ZFAND6: variants seen among roughly 807,000 people sequenced by gnomAD.
The protein encoded by ZFAND6 is AN1-type zinc finger protein 6.
ZFAND6 carries 12 observed loss-of-function variants against 24.5 expected under a neutral mutation model. The observed-to-expected ratio is 0.49, with a 90% CI of 0.31 to 0.79. The LOEUF is 0.79. Among genes scored for constraint, ZFAND6 ranks in the 30% least tolerant of loss-of-function variants. The pLI, the probability that ZFAND6 is intolerant of heterozygous loss-of-function variation, is 0.04. For missense variants in ZFAND6, 207 were observed against 245.9 expected (o/e 0.84, Z 1.06); for synonymous variants, 92 against 81.5 (o/e 1.13, Z -0.69).
chr15:80,059,979 G>A (rs573032666), intron 1 of ZFAND6, among the ~76,000 whole-genome samples, 170 bp downstream of exon 1: 1 of 151,190 alleles, frequency 6.6e-6, no homozygotes, highest in South Asian at 2.1e-4. Context: ...GGGCCCGCGG[G>A]GGCCGCGGGC....
intron 1 of ZFAND6, among the ~76,000 whole-genome samples, chr15:80,097,753 CAA>C (rs765926356): frequency 1.3e-5 from 2 of 151,980 alleles, no homozygotes; most frequent in African/African-American, 4.8e-5. Flanking sequence ...GATGGAGAAA[CAA>C]AGATTTTTAT....
rs947950449 is a variant in ZFAND6 at position 80,089,135 on chromosome 15, A to G, written c.-180-9281A>G. Among the ~76,000 whole-genome samples the G allele has an allele frequency of 1.4e-4, 21 of 148,440 alleles. 1 individual carries two copies. The highest frequency in any genetic ancestry group is 6.7e-4 in the Admixed American group (10 of 14,920). On this transcript the variant is annotated intron_variant, in intron 1 of 6. Coordinates refer to ENST00000261749, the MANE Select transcript of ZFAND6 (RefSeq NM_019006.4). ...CTGAAAGACCTACTCATAATTGACA[A>G]CTCCTTCTGTTCTTCACTGATCACA... is the stretch of plus-strand genomic sequence containing the variant.
At chr15:80,069,174 C>A (rs1164512797) in intron 1 of ZFAND6, among the ~76,000 whole-genome samples, 4 of 152,128 alleles carry the variant, frequency 2.6e-5, no homozygotes, top group Non-Finnish European at 5.9e-5. Context: ...AGTCTATTTT[C>A]TCTTAGTTTT....
chr15:80,082,379 G>A (rs562583688), intron 1 of ZFAND6, among the ~76,000 whole-genome samples: 1 of 152,292 alleles, frequency 6.6e-6, no homozygotes, highest in Admixed American at 6.5e-5. Context: ...AATTGACAAA[G>A]GTTAAACAGG....
intron 6 of ZFAND6, among the ~76,000 whole-genome samples, chr15:80,134,333 C>T (rs2040758490): frequency 6.6e-6 from 1 of 152,170 alleles, no homozygotes; most frequent in Non-Finnish European, 1.5e-5. Flanking sequence ...CCACCCAGAA[C>T]CTCATGAGTT....
At chr15:80,084,569 G>A (rs559196632) in intron 1 of ZFAND6, among the ~76,000 whole-genome samples, 1 of 152,170 alleles carries the variant, frequency 6.6e-6, no homozygotes, top group Non-Finnish European at 1.5e-5. Context: ...ACTAATTTAC[G>A]TGGGGGCAGT....
At chr15:80,065,230 C>G (rs761383804) in intron 1 of ZFAND6, among the ~76,000 whole-genome samples, 1 of 151,348 alleles carries the variant, frequency 6.6e-6, no homozygotes, top group African/African-American at 2.4e-5. Flanking sequence ...GAAATAACCT[C>G]CCTTATTTTT....
chr15:80,060,506 A>G (rs375799983), intron 1 of ZFAND6: 30 of 152,326 alleles, frequency 2.0e-4, no homozygotes, highest in African/African-American at 6.5e-4. Context: ...CGTGCTAACT[A>G]TCCTACACAG....
intron 2 of ZFAND6, chr15:80,111,380 A>G (rs1214593178): frequency 7.6e-6 from 3 of 393,202 alleles, no homozygotes; most frequent in East Asian, 7.1e-5. Flanking sequence ...CTTGCAGTCA[A>G]CCCTGCCAAT....
At chr15:80,068,288 C>T (rs1173075764) in intron 1 of ZFAND6, among the ~76,000 whole-genome samples, 1 of 151,950 alleles carries the variant, frequency 6.6e-6, no homozygotes, top group Non-Finnish European at 1.5e-5. Context: ...GCTGGGACTA[C>T]AGGCGCGCCA....
At chr15:80,069,410 A>G (rs917835012) in intron 1 of ZFAND6, among the ~76,000 whole-genome samples, 4 of 152,124 alleles carry the variant, frequency 2.6e-5, no homozygotes, top group Non-Finnish European at 4.4e-5. Context: ...AAGATACCTT[A>G]TCCTATCGGC....
At chr15:80,094,025 A>G (rs764481148) in intron 1 of ZFAND6, among the ~76,000 whole-genome samples, 1 of 152,240 alleles carries the variant, frequency 6.6e-6, no homozygotes, top group African/African-American at 2.4e-5. Flanking sequence ...CTCAGTCATC[A>G]TAAATCAGTT....
chr15:80,103,397 AAT>A (rs951856979), intron 2 of ZFAND6, among the ~76,000 whole-genome samples: 1 of 152,054 alleles, frequency 6.6e-6, no homozygotes, highest in African/African-American at 2.4e-5. Flanking sequence ...AAATTTGGAG[AAT>A]TTGGTGGGAT....
At chr15:80,137,328 G>A (rs991329762) in intron 6 of ZFAND6, 152 bp from the exon 7 acceptor site, 1 of 867,834 alleles carries the variant, frequency 1.2e-6, no homozygotes, top group Non-Finnish European at 1.6e-6. Context: ...CTCAGGTAGT[G>A]AATAAGAATG....
chr15:80,073,390 C>T (rs968233157), intron 1 of ZFAND6: 38 of 256,290 alleles, frequency 1.5e-4, no homozygotes, highest in Non-Finnish European at 2.0e-4. Context: ...TTATTTATGA[C>T]GTAATTGTAG....
intron 1 of ZFAND6, among the ~76,000 whole-genome samples, chr15:80,084,647 T>C (rs1434662011): frequency 6.6e-6 from 1 of 152,232 alleles, no homozygotes; most frequent in Non-Finnish European, 1.5e-5. Flanking sequence ...AAAACAATAC[T>C]AAGTTAGGCA....
At chr15:80,077,052 T>G (rs1463846471) in intron 1 of ZFAND6, among the ~76,000 whole-genome samples, 1 of 152,238 alleles carries the variant, frequency 6.6e-6, no homozygotes, top group Non-Finnish European at 1.5e-5. Context: ...GTTTTGAGTT[T>G]CATAGCTGTT....
intron 1 of ZFAND6, among the ~76,000 whole-genome samples, chr15:80,091,160 G>GTGTGTGTGT (rs1555430411): frequency 3.6e-4 from 54 of 150,274 alleles, no homozygotes; most frequent in African/African-American, 1.1e-3. Context: ...GTTGTTAAGG[G>GTGTGTGTGT]GTGTGTGTGT....
rs1463532430 is a variant in ZFAND6, at chr15:80,120,613, T to C, written c.154+115T>C. On this transcript the variant is annotated intron_variant, in intron 3 of 6. Coordinates refer to ENST00000261749, the MANE Select transcript of ZFAND6 (RefSeq NM_019006.4). ...TTATATTTATATTACCATATTCATA[T>C]CAGTAAAATTTCTCATTACACATTG... 5.5e-6 allele frequency: 5 copies of C among 906,652 alleles called. No individual in the cohort carries two copies. In the African/African-American group the frequency reaches 6.9e-5, roughly 13 times the overall value. The allele number at this position is 906,652 out of a possible 1,614,324, so 56.2% of individuals were successfully genotyped here.
Sources: allele counts gnomAD v4.1 joint callset (sites outside exome capture counted in the v4.1 genomes callset), GRCh38; gene constraint gnomAD v4.1.1; transcripts MANE v1.5; gene names NCBI Gene and HGNC (gene_info 2026-07-23, HGNC 2026-07-21).